PCDHGA7: variants seen among roughly 807,000 people sequenced by gnomAD.
PCDHGA7 encodes protocadherin gamma subfamily A, 7, also known as protocadherin gamma-A7.
Under a neutral mutation model 58.3 loss-of-function variants are expected in PCDHGA7, and 44 were observed. The ratio of observed to expected loss-of-function variants is 0.75; its 90% CI spans 0.59 to 0.97. The LOEUF is 0.97. PCDHGA7 is among the 50% of genes least tolerant of loss of function. The probability of loss-of-function intolerance (pLI) is 0.00; values close to 1 mark genes in which losing one functional copy is unlikely to be tolerated. For missense variants in PCDHGA7, 1,266 were observed against 1,188.7 expected (o/e 1.06, Z -0.96); for synonymous variants, 516 against 504.2 (o/e 1.02, Z -0.31).
chr5:141,473,219 G>A (rs1198994780), intron 1 of PCDHGA7, among the ~76,000 whole-genome samples: 2 of 151,864 alleles, frequency 1.3e-5, no homozygotes, highest in Non-Finnish European at 2.9e-5. Flanking sequence ...TTACTTCCAG[G>A]GAGATTGGAT....
chr5:141,490,051 G>T lies in PCDHGA7; in HGVS notation c.2425-4756G>T, dbSNP rs779280988. On this transcript the variant is annotated intron_variant, in intron 1 of 3. Coordinates refer to ENST00000518325, the MANE Select transcript of PCDHGA7 (RefSeq NM_018920.4). The surrounding 1 kb of genome is among the most constrained non-coding windows in gnomAD (Gnocchi z 5.4). ...CCGCCTCAATGCCACTGATCCAGACGAGGGCACCAACGGCCAACTAGACTA... is the reference window on the plus strand; with the variant it reads ...CCGCCTCAATGCCACTGATCCAGACTAGGGCACCAACGGCCAACTAGACTA... 3 of 1,614,214 alleles carry T rather than the reference G, an allele frequency of 1.9e-6. No homozygotes were observed. The Middle Eastern group carries it at 4.9e-4, about 266-fold the overall frequency.
chr5:141,448,795 A>T (rs577803435), intron 1 of PCDHGA7, among the ~76,000 whole-genome samples: 1 of 152,086 alleles, frequency 6.6e-6, no homozygotes, highest in African/African-American at 2.4e-5. Context: ...AAAAAAAAAA[A>T]TTAGCCAGGC....
chr5:141,450,916 C>T (rs1168320527), intron 1 of PCDHGA7, among the ~76,000 whole-genome samples: 1 of 151,580 alleles, frequency 6.6e-6, no homozygotes, highest in Admixed American at 6.6e-5. Flanking sequence ...CCGCTGCCTC[C>T]CAGATTCAAG....
At position 141,399,956 on chromosome 5, in the gene PCDHGA7, C is replaced by T. The variant is rs760477759; in HGVS notation, c.2424+14633C>T. On this transcript the variant is annotated intron_variant, in intron 1 of 3. Coordinates refer to ENST00000518325, the MANE Select transcript of PCDHGA7 (RefSeq NM_018920.4). ...TACCACGTGCTGCAGGCTAGCGAGC[C>T]CGGGCTCTTCAGCCTGGGGCTGCGC... is the stretch of plus-strand genomic sequence containing the variant. 106 of 1,612,048 alleles carry T rather than the reference C, an allele frequency of 6.6e-5. No homozygotes were observed. Among genetic ancestry groups the T allele is most frequent in the Middle Eastern group, 1.9e-4 (1 of 5,240 alleles).
At chr5:141,492,404 T>C (rs944864208) in intron 1 of PCDHGA7, among the ~76,000 whole-genome samples, 9 of 152,316 alleles carry the variant, frequency 5.9e-5, no homozygotes, top group African/African-American at 1.9e-4. Context: ...GCAGCTCCCC[T>C]CTGCCGCTCC....
chr5:141,506,645 A>G (rs1229614297), intron 3 of PCDHGA7, among the ~76,000 whole-genome samples: 3 of 152,188 alleles, frequency 2.0e-5, no homozygotes, highest in African/African-American at 7.2e-5. Context: ...CCCTCAGCAC[A>G]GGATTGGCAG....
At chr5:141,424,525 A>G (rs1010194490) in intron 1 of PCDHGA7, 2 of 152,196 alleles carry the variant, frequency 1.3e-5, no homozygotes, top group Non-Finnish European at 2.9e-5. Context: ...TAGTAAATCC[A>G]TATATAGAAA....
intron 1 of PCDHGA7, among the ~76,000 whole-genome samples, chr5:141,466,627 C>G (rs1448245449): frequency 6.6e-6 from 1 of 152,154 alleles, no homozygotes; most frequent in African/African-American, 2.4e-5. Flanking sequence ...TTCTTTGGAG[C>G]ATTGTCTCCA....
intron 1 of PCDHGA7, chr5:141,422,771 T>C (rs2096671394): frequency 6.2e-7 from 1 of 1,613,954 alleles, no homozygotes; most frequent in Non-Finnish European, 8.5e-7. Flanking sequence ...ACTGGTGTTC[T>C]CTATGCCCTA....
At chr5:141,422,806 C>T (rs868426196) in intron 1 of PCDHGA7, 2 of 1,614,208 alleles carry the variant, frequency 1.2e-6, no homozygotes, top group Non-Finnish European at 1.7e-6. Flanking sequence ...TGAGCAGTTT[C>T]GAGACTTAGA....
chr5:141,494,194 G>A (rs1446357035), intron 1 of PCDHGA7, among the ~76,000 whole-genome samples: 2 of 152,182 alleles, frequency 1.3e-5, no homozygotes, highest in Non-Finnish European at 2.9e-5. Flanking sequence ...GGACTTGGAT[G>A]CCCCGCAAAG....
intron 1 of PCDHGA7, among the ~76,000 whole-genome samples, chr5:141,407,392 A>G (rs1427023659): frequency 6.6e-6 from 1 of 152,226 alleles, no homozygotes; most frequent in Non-Finnish European, 1.5e-5. Flanking sequence ...ATGTCATGGT[A>G]GGTAGTTACT....
intron 1 of PCDHGA7, chr5:141,422,893 C>A (rs1405800318): frequency 4.3e-6 from 7 of 1,614,246 alleles, no homozygotes; most frequent in Non-Finnish European, 5.9e-6. Context: ...CGTGCTGGAC[C>A]AGAACGACAA....
chr5:141,409,357 T>A, intron 1 of PCDHGA7: 2 of 1,613,968 alleles, frequency 1.2e-6, no homozygotes, highest in Non-Finnish European at 1.7e-6. Context: ...TCAGGTGTAA[T>A]ATAGAAACAG....
chr5:141,413,926 T>C, intron 1 of PCDHGA7: 4 of 1,613,380 alleles, frequency 2.5e-6, no homozygotes, highest in Non-Finnish European at 3.4e-6. Flanking sequence ...CTTGCCAGAA[T>C]ACCGAGTGAG....
In PCDHGA7 at chr5:141,489,652, C is replaced by A. The variant is rs767143028; in HGVS notation, c.2425-5155C>A. On this transcript the variant is annotated intron_variant, in intron 1 of 3. Transcript: ENST00000518325. The surrounding 1 kb of genome is among the most constrained non-coding windows in gnomAD (Gnocchi z 4.5). ...CTCTCCTAGCTTTGCCACCCCTGAG[C>A]GAGAGATGCGCATCTCAGAATCAGC... 34 of 1,614,024 alleles carry A rather than the reference C, an allele frequency of 2.1e-5. No homozygotes were observed. The Middle Eastern group carries it at 6.6e-4, about 31-fold the overall frequency.
rs768354664 is a variant in PCDHGA7 at position 141,485,690 on chromosome 5, A to C, written c.2425-9117A>C. On this transcript the variant is annotated intron_variant, in intron 1 of 3. Coordinates refer to ENST00000518325, the MANE Select transcript of PCDHGA7 (RefSeq NM_018920.4). This position sits in a 1 kb window ranked among gnomAD's most constrained non-coding sequence, Gnocchi z 5.7. ...CAATTCGATTAGCAGCTATAGGCTG[A>C]GCTCCAATGAACACTTTGCACTGGA... 1.6e-5 allele frequency: 26 copies of C among 1,614,106 alleles called. No individual in the cohort carries two copies. In the South Asian group the frequency reaches 2.7e-4, roughly 17 times the overall value.
chr5:141,423,265 G>A (rs973635802), intron 1 of PCDHGA7: 15 of 1,613,548 alleles, frequency 9.3e-6, no homozygotes, highest in African/African-American at 1.3e-5. Context: ...CGGCAGCCTC[G>A]AGTCTCTGGC....
intron 1 of PCDHGA7, chr5:141,421,999 TC>T: frequency 9.9e-6 from 16 of 1,609,214 alleles, no homozygotes; most frequent in Non-Finnish European, 1.4e-5. Context: ...AAACATCAGC[TC>T]CGGAACTCGG....
Sources: allele counts gnomAD v4.1 joint callset (sites outside exome capture counted in the v4.1 genomes callset), GRCh38; gene constraint gnomAD v4.1.1; non-coding constraint Gnocchi (gnomAD v3.1); transcripts MANE v1.5; gene names NCBI Gene and HGNC (gene_info 2026-07-23, HGNC 2026-07-21).